Variants in CDH18 observed in about 807,000 individuals in gnomAD.
The protein encoded by CDH18 is cadherin-18.
CDH18 carries 31 observed loss-of-function variants against 67.9 expected under a neutral mutation model. The ratio of observed to expected loss-of-function variants is 0.46; its 90% CI spans 0.34 to 0.62. CDH18 has a LOEUF of 0.62. CDH18 is among the 20% of genes least tolerant of loss of function. CDH18 has a pLI of 0.01. For synonymous variants in CDH18, 362 were observed against 347.2 expected (o/e 1.04, Z -0.48); for missense variants, 890 against 975.5 (o/e 0.91, Z 1.17).
intron 2 of CDH18, among the ~76,000 whole-genome samples, chr5:19,916,825 T>C (rs1206532859): frequency 2.0e-5 from 3 of 152,190 alleles, no homozygotes; most frequent in African/African-American, 7.2e-5. Context: ...TTTGGTTAAC[T>C]TGGATATTTA....
rs546395443 is a variant in CDH18 at position 20,304,622 on chromosome 5, C to T, written c.-579-49117G>A. The T allele has an allele frequency of 3.8e-5, 62 of 1,611,988 alleles. No individual in the cohort carries two copies. The South Asian group carries it at 5.8e-4, about 15-fold the overall frequency. ...AATGAGCCCAAAACAGAGCTATCAA[C>T]TTTCTTGCCGAAATTAAATGAGGCA... On this transcript the variant is annotated intron_variant, in intron 1 of 14. Transcript: ENST00000507958.
chr5:19,863,154 G>A (rs1785083993), intron 2 of CDH18, among the ~76,000 whole-genome samples: 1 of 152,108 alleles, frequency 6.6e-6, no homozygotes, highest in South Asian at 2.1e-4. Context: ...AATTAAGGTA[G>A]GGAAAGAGAA....
intron 1 of CDH18, among the ~76,000 whole-genome samples, chr5:20,383,184 A>G (rs552187543): frequency 1.3e-5 from 2 of 152,284 alleles, no homozygotes; most frequent in East Asian, 3.9e-4. Flanking sequence ...TGGGTTTTAA[A>G]TATTGCGTTA....
intron 2 of CDH18, among the ~76,000 whole-genome samples, chr5:19,975,125 T>C (rs1798378419): frequency 6.6e-6 from 1 of 152,176 alleles, no homozygotes; most frequent in African/African-American, 2.4e-5. Context: ...TTATAAATGA[T>C]ACATTATATA....
Position 20,272,845 on chromosome 5 carries a change from A to G in CDH18, c.-579-17340T>C, listed in dbSNP as rs534130491. On this transcript the variant is annotated intron_variant, in intron 1 of 14. Coordinates refer to the CDH18 transcript ENST00000507958. ...TGCAAGGATTTCTAGGAAATCATGA[A>G]TGACCACTATTATTCTCCATCAAAG... 5.3e-5 allele frequency among the ~76,000 whole-genome samples: 8 copies of G among 152,166 alleles called. No homozygotes were observed. The South Asian group carries it at 1.7e-3, about 32-fold the overall frequency.
intron 1 of CDH18, among the ~76,000 whole-genome samples, chr5:20,532,015 G>A (rs1164988367): frequency 6.6e-6 from 1 of 152,008 alleles, no homozygotes; most frequent in Non-Finnish European, 1.5e-5. Flanking sequence ...GTGTGTATGT[G>A]TGAATGTATA....
At chr5:20,318,450 A>G (rs928307675) in intron 1 of CDH18, among the ~76,000 whole-genome samples, 1 of 152,150 alleles carries the variant, frequency 6.6e-6, no homozygotes, top group East Asian at 1.9e-4. Flanking sequence ...CTAGTTTTGG[A>G]GGTGGGGCCT....
intron 2 of CDH18, among the ~76,000 whole-genome samples, chr5:19,854,939 G>GTT (rs368861040): frequency 4.4e-5 from 6 of 136,452 alleles, no homozygotes; most frequent in Non-Finnish European, 8.0e-5. Context: ...CATGAGTTCA[G>GTT]TTTTGTTTTT....
chr5:20,399,670 A>G (rs9686819), intron 1 of CDH18, among the ~76,000 whole-genome samples: 83,311 of 152,030 alleles, frequency 0.55, 23,249 homozygotes, highest in Middle Eastern at 0.61. Flanking sequence ...ACATTCAATA[A>G]ATATTAGGTT....
chr5:20,329,782 A>AAAAAAAAAAAAAAAAAAAAAAC, intron 1 of CDH18, among the ~76,000 whole-genome samples: 1 of 151,092 alleles, frequency 6.6e-6, no homozygotes, highest in Non-Finnish European at 1.5e-5. Flanking sequence ...AAAAAAAAAA[A>AAAAAAAAAAAAAAAAAAAAAAC]AAAAAAAAAA....
At chr5:19,473,931 T>C (rs553604096) in intron 12 of CDH18, among the ~76,000 whole-genome samples, 50 of 152,226 alleles carry the variant, frequency 3.3e-4, no homozygotes, top group African/African-American at 1.2e-3. Context: ...CCAGGAGACA[T>C]TGCGAATTGC....
chr5:19,522,041 T>G (rs16885874), intron 9 of CDH18, among the ~76,000 whole-genome samples: 2,935 of 152,222 alleles, frequency 0.019, 76 homozygotes, highest in African/African-American at 0.066. Flanking sequence ...TTGATAATTC[T>G]TGATCAGTTT....
intron 3 of CDH18, among the ~76,000 whole-genome samples, chr5:19,773,735 A>G (rs1395838717): frequency 6.6e-6 from 1 of 152,284 alleles, no homozygotes; most frequent in African/African-American, 2.4e-5. Flanking sequence ...ATAGTTGGGG[A>G]AAACTGAGTT....
At chr5:20,190,583 T>A (rs746233475) in intron 2 of CDH18, among the ~76,000 whole-genome samples, 1 of 152,110 alleles carries the variant, frequency 6.6e-6, no homozygotes, top group African/African-American at 2.4e-5. Context: ...GCTCAGTTAA[T>A]GCCATTTCTG....
At chr5:20,386,266 A>G (rs769736186) in intron 1 of CDH18, among the ~76,000 whole-genome samples, 5 of 152,188 alleles carry the variant, frequency 3.3e-5, no homozygotes, top group Non-Finnish European at 2.9e-5. Context: ...CCGTTTAAGC[A>G]GAATAATTTA....
chr5:20,311,678 A>G (rs1737008194), intron 1 of CDH18, among the ~76,000 whole-genome samples: 1 of 152,124 alleles, frequency 6.6e-6, no homozygotes, highest in Non-Finnish European at 1.5e-5. Context: ...TAGCATTAGG[A>G]GAAATTCCTA....
At chr5:20,080,877 G>A (rs916171975) in intron 2 of CDH18, among the ~76,000 whole-genome samples, 2 of 152,040 alleles carry the variant, frequency 1.3e-5, no homozygotes, top group African/African-American at 4.8e-5. Context: ...CAAGATCAGA[G>A]CAGGTAAATA....
intron 2 of CDH18, among the ~76,000 whole-genome samples, chr5:20,215,554 T>C (rs1045000612): frequency 7.9e-5 from 12 of 151,920 alleles, no homozygotes; most frequent in Non-Finnish European, 1.5e-4. Context: ...TCAACCATTG[T>C]TGAAAGCAGT....
At chr5:19,873,421 C>T (rs1786549376) in intron 2 of CDH18, among the ~76,000 whole-genome samples, 1 of 151,866 alleles carries the variant, frequency 6.6e-6, no homozygotes, top group Non-Finnish European at 1.5e-5. Context: ...GTTGTGTTAA[C>T]CATACCATAA....
Sources: allele counts gnomAD v4.1 joint callset (sites outside exome capture counted in the v4.1 genomes callset), GRCh38; gene constraint gnomAD v4.1.1; transcripts MANE v1.5; gene names NCBI Gene and HGNC (gene_info 2026-07-23, HGNC 2026-07-21).